EIF2S3B: variants seen among roughly 807,000 people sequenced by gnomAD.
EIF2S3B encodes the protein eukaryotic translation initiation factor 2 subunit gamma B.
Under a neutral mutation model 26.4 loss-of-function variants are expected in EIF2S3B, and 16 were observed. The ratio of observed to expected loss-of-function variants is 0.61; its 90% CI spans 0.41 to 0.92. EIF2S3B has a LOEUF of 0.92. EIF2S3B is among the 40% of genes least tolerant of loss of function. The probability of loss-of-function intolerance (pLI) is 0.00; values close to 1 mark genes in which losing one functional copy is unlikely to be tolerated. For synonymous variants in EIF2S3B, 183 were observed against 204.4 expected, an observed-to-expected ratio of 0.90 and a Z score of 0.89; for missense variants, 510 against 575.5, an observed-to-expected ratio of 0.89 and a Z score of 1.16.
At chr12:10,516,406 A>T (rs1363821236) in intron 1 of EIF2S3B, among the ~76,000 whole-genome samples, 1 of 152,136 alleles carries the variant, frequency 6.6e-6, no homozygotes, top group South Asian at 2.1e-4. Flanking sequence ...AAAAGGCAGA[A>T]TATATAGTGA....
downstream of EIF2S3B, among the ~76,000 whole-genome samples, chr12:10,513,018 G>A (rs1036085156): frequency 6.6e-6 from 1 of 152,094 alleles, no homozygotes; most frequent in Non-Finnish European, 1.5e-5. Context: ...CAAAACTATA[G>A]CTAGGACCAT....
chr12:10,509,431 A>G (rs1044000123), downstream of EIF2S3B, among the ~76,000 whole-genome samples: 1 of 152,078 alleles, frequency 6.6e-6, no homozygotes, highest in Admixed American at 6.5e-5. Flanking sequence ...ACCATCACAA[A>G]TTTTTAAAAT....
rs535807416 is a variant in EIF2S3B at position 10,508,128 on chromosome 12, A to T, written c.*807A>T. Reference sequence around the variant, plus strand: ...TGCTTTATCTTTGAAATTTTGCATGAAAAGGATGCAATGAATGGGTTCGAA... The same window carrying T: ...TGCTTTATCTTTGAAATTTTGCATGTAAAGGATGCAATGAATGGGTTCGAA... On this transcript the variant is annotated 3_prime_UTR_variant, in exon 1 of 1. Transcript: ENST00000538173. 1.3e-5 allele frequency among the ~76,000 whole-genome samples: 2 copies of T among 152,294 alleles called. No homozygotes were observed. Among genetic ancestry groups the T allele is most frequent in the East Asian group, 3.9e-4 (2 of 5,178 alleles).
rs1864651199 is a variant in EIF2S3B at position 10,507,463 on chromosome 12, CTCT to C, written c.*144_*146del. 1.0e-6 allele frequency: 1 copy of C among 962,158 alleles called. No individual in the cohort carries two copies. The highest frequency in any genetic ancestry group is 1.7e-5 in the African/African-American group (1 of 57,680). 59.6% of individuals were successfully genotyped at this position (962,158 alleles called of 1,614,324 possible). ...TAGTAGGTAACGGTAAGGTTATTCT[CTCT>C]TTTTTTTTTTGGTTATGAAAACTTA... On this transcript the variant is annotated 3_prime_UTR_variant, in exon 1 of 1. Transcript: ENST00000538173.
Position 10,508,127 on chromosome 12 carries a change from G to T in EIF2S3B, c.*806G>T, listed in dbSNP as rs566915322. ...TTGCTTTATCTTTGAAATTTTGCAT[G>T]AAAAGGATGCAATGAATGGGTTCGA... On this transcript the variant is annotated 3_prime_UTR_variant, in exon 1 of 1. Coordinates refer to ENST00000538173, the MANE Select transcript of EIF2S3B (RefSeq NM_001357734.3). 1.3e-5 allele frequency among the ~76,000 whole-genome samples: 2 copies of T among 152,240 alleles called. No homozygotes were observed. The highest frequency in any genetic ancestry group is 3.9e-4 in the East Asian group (2 of 5,176).
intron 1 of EIF2S3B, among the ~76,000 whole-genome samples, chr12:10,516,081 T>C (rs1244846744): frequency 4.6e-5 from 7 of 151,944 alleles, no homozygotes; most frequent in African/African-American, 1.7e-4. Context: ...ATCTGAAATT[T>C]TTGTGTAATC....
At chr12:10,518,548 T>C (rs1023147734) in intron 1 of EIF2S3B, among the ~76,000 whole-genome samples, 11 of 152,132 alleles carry the variant, frequency 7.2e-5, no homozygotes, top group Non-Finnish European at 1.3e-4. Context: ...TCTTGACTCT[T>C]TATCCAATTT....
chr12:10,514,366 T>C (rs117646005), intron 1 of EIF2S3B, among the ~76,000 whole-genome samples: 2,118 of 152,288 alleles, frequency 0.014, 58 homozygotes, highest in Non-Finnish European at 0.015. Flanking sequence ...CAAAGCTTTT[T>C]TTGTCATCTG....
intron 1 of EIF2S3B, among the ~76,000 whole-genome samples, chr12:10,521,887 G>C (rs1864836438): frequency 6.6e-6 from 1 of 152,104 alleles, no homozygotes; most frequent in Admixed American, 6.5e-5. Flanking sequence ...CCTTAAACTT[G>C]AATCTAGGAA....
At chr12:10,517,708 G>A (rs1591636345) in intron 1 of EIF2S3B, among the ~76,000 whole-genome samples, 1 of 152,130 alleles carries the variant, frequency 6.6e-6, no homozygotes, top group East Asian at 1.9e-4. Flanking sequence ...ATGTTAGGTT[G>A]TCAATTTTGG....
rs1469041706 is a variant in EIF2S3B at position 10,507,768 on chromosome 12, TTAG to T, written c.*451_*453del. On this transcript the variant is annotated 3_prime_UTR_variant, in exon 1 of 1. Coordinates refer to ENST00000538173, the MANE Select transcript of EIF2S3B (RefSeq NM_001357734.3). ...CCACCACACGGGGCTAATTTTTGTA[TTAG>T]TAGAGACGGGGTTTCGGCATGTTGG... 8.5e-5 allele frequency among the ~76,000 whole-genome samples: 13 copies of T among 152,086 alleles called. No individual in the cohort carries two copies. Among genetic ancestry groups the T allele is most frequent in the African/African-American group, 2.9e-4 (12 of 41,406 alleles).
Position 10,505,930 on chromosome 12 carries a change from C to G in EIF2S3B, c.28C>G (p.Leu10Val). 6.2e-7 allele frequency: 1 copy of G among 1,601,076 alleles called. No homozygotes were observed. Among genetic ancestry groups the G allele is most frequent in the Non-Finnish European group, 8.6e-7 (1 of 1,168,090 alleles). MAGGEAGVT[L>V]GQPHLSRQDL... Reference sequence around the variant, plus strand: ...GGCGGGCGGAGAAGCTGGGGTGACTCTGGGGCAGCCGCACCTTTCGCGTCA... The same window carrying G: ...GGCGGGCGGAGAAGCTGGGGTGACTGTGGGGCAGCCGCACCTTTCGCGTCA... The change falls in exon 1 of 1, where the codon CTG becomes GTG. Residue 10 changes from leucine to valine, a missense_variant. Leu to Val is a conservative substitution (Grantham distance 32). Transcript: ENST00000538173.
Position 10,506,664 on chromosome 12 carries a change from C to G in EIF2S3B, c.762C>G (p.Pro254=), listed in dbSNP as rs774097589. 1.5e-5 allele frequency: 24 copies of G among 1,613,708 alleles called. No homozygotes were observed. Among genetic ancestry groups the G allele is most frequent in the African/African-American group, 2.7e-5 (2 of 74,842 alleles). Residue 254 remains proline, a synonymous_variant, in exon 1 of 1, where the codon CCC becomes CCG. Coordinates refer to ENST00000538173, the MANE Select transcript of EIF2S3B (RefSeq NM_001357734.3). The part of the protein sequence containing the change: ...PVPPRDFTSE[P]RLIVIRSFDV... ...CCCCAAGAGACTTTACTTCAGAGCC[C>G]CGGCTTATTGTTATTAGATCTTTTG...
At position 10,507,494 on chromosome 12, in the gene EIF2S3B, G is replaced by A; in HGVS notation, c.*173G>A. On this transcript the variant is annotated 3_prime_UTR_variant, in exon 1 of 1. Transcript: ENST00000538173. ...TTTTTTTTGGTTATGAAAACTTAGG[G>A]ACTACAATTAGTATAAAAATTGGCA... is the stretch of plus-strand genomic sequence containing the variant. 1.4e-6 allele frequency: 1 copy of A among 726,966 alleles called. No individual in the cohort carries two copies. The highest frequency in any genetic ancestry group is 2.2e-6 in the Non-Finnish European group (1 of 448,788). 45.0% of individuals were successfully genotyped at this position (726,966 alleles called of 1,614,324 possible). A position where few individuals can be genotyped will look rare whatever the true frequency, so the allele number is the denominator to read the frequency against.
intron 1 of EIF2S3B, among the ~76,000 whole-genome samples, chr12:10,522,038 T>C (rs986020189): frequency 2.0e-5 from 3 of 152,252 alleles, no homozygotes; most frequent in African/African-American, 7.2e-5. Flanking sequence ...TATGTTAATA[T>C]TATACTAAAA....
chr12:10,510,292 G>A (rs538979199), downstream of EIF2S3B, among the ~76,000 whole-genome samples: 1 of 152,188 alleles, frequency 6.6e-6, no homozygotes, highest in Non-Finnish European at 1.5e-5. Flanking sequence ...TCCACCAAAT[G>A]GGTCAAATAA....
intron 1 of EIF2S3B, among the ~76,000 whole-genome samples, chr12:10,519,581 A>C (rs1031461403): frequency 1.4e-4 from 21 of 152,128 alleles, no homozygotes; most frequent in Admixed American, 7.2e-4. Flanking sequence ...CAACCTACAA[A>C]ATGGGAGAAA....
At chr12:10,511,663 A>C (rs1864705473), downstream of EIF2S3B, among the ~76,000 whole-genome samples, 1 of 152,192 alleles carries the variant, frequency 6.6e-6, no homozygotes, top group Non-Finnish European at 1.5e-5. Context: ...GCTGGCTTTT[A>C]CTCCATCTTC....
At chr12:10,517,545 C>A (rs967042685) in intron 1 of EIF2S3B, among the ~76,000 whole-genome samples, 4 of 151,886 alleles carry the variant, frequency 2.6e-5, no homozygotes, top group African/African-American at 9.7e-5. Context: ...ATTTTGTTGA[C>A]CCTTTCAAAA....
Sources: gnomAD v4.1 joint callset for allele counts (sites outside exome capture counted in the v4.1 genomes callset) on GRCh38, gnomAD v4.1.1 for gene constraint, MANE v1.5 for transcripts, NCBI Gene and HGNC (gene_info 2026-07-23, HGNC 2026-07-21) for gene names.